Variants in PPP2R2B observed in about 807,000 individuals in gnomAD.
PPP2R2B encodes protein phosphatase 2 regulatory subunit Bbeta.
Under a neutral mutation model 46.0 loss-of-function variants are expected in PPP2R2B, and 5 were observed. The ratio of observed to expected loss-of-function variants is 0.11; its 90% CI spans 0.06 to 0.23. The LOEUF is 0.23. PPP2R2B is among the 10% of genes least tolerant of loss of function. PPP2R2B has a pLI of 1.00. For missense variants in PPP2R2B, 367 were observed against 575.0 expected, an observed-to-expected ratio of 0.64 and a Z score of 3.70; for synonymous variants, 215 against 206.7, an observed-to-expected ratio of 1.04 and a Z score of -0.34.
At chr5:146,596,726 T>C (rs1771208711) in intron 8 of PPP2R2B, among the ~76,000 whole-genome samples, 1 of 152,108 alleles carries the variant, frequency 6.6e-6, no homozygotes, top group Admixed American at 6.5e-5. Context: ...AAATGAAAGC[T>C]TGGGGGCAAG....
At chr5:147,032,339 G>A (rs534236515) in intron 1 of PPP2R2B, among the ~76,000 whole-genome samples, 47 of 152,186 alleles carry the variant, frequency 3.1e-4, no homozygotes, top group Admixed American at 6.5e-4. Context: ...AATCAAGACC[G>A]CAATGTGATA....
At chr5:146,903,536 T>C (rs922745271) in intron 1 of PPP2R2B, among the ~76,000 whole-genome samples, 1 of 151,846 alleles carries the variant, frequency 6.6e-6, no homozygotes, top group Non-Finnish European at 1.5e-5. Flanking sequence ...GCCGGGACTA[T>C]AGGTGCATGC....
At chr5:146,719,065 C>T (rs116257118) in intron 2 of PPP2R2B, among the ~76,000 whole-genome samples, 1,865 of 152,322 alleles carry the variant, frequency 0.012, 38 homozygotes, top group African/African-American at 0.042. Context: ...TACTGAGCAC[C>T]TTCTATGTGC....
chr5:146,880,227 TG>T (rs1762122849), upstream of PPP2R2B, among the ~76,000 whole-genome samples: 2 of 132,560 alleles, frequency 1.5e-5, no homozygotes, highest in South Asian at 4.8e-4. Context: ...GTGTGTGTGG[TG>T]GGGGGAGTTC....
intron 2 of PPP2R2B, among the ~76,000 whole-genome samples, chr5:146,857,379 T>C (rs1760735894): frequency 6.6e-6 from 1 of 152,200 alleles, no homozygotes; most frequent in Admixed American, 6.5e-5. Flanking sequence ...ATACCACTAA[T>C]ATAGAACAAA....
intron 1 of PPP2R2B, chr5:147,035,182 T>G (rs1755975093): frequency 4.4e-6 from 2 of 450,110 alleles, no homozygotes; most frequent in Non-Finnish European, 8.9e-6. Flanking sequence ...TCTGCATGGC[T>G]GGGGAGGTCT....
chr5:146,734,680 A>T (rs1206785824), intron 2 of PPP2R2B, among the ~76,000 whole-genome samples: 1 of 152,126 alleles, frequency 6.6e-6, no homozygotes, highest in Non-Finnish European at 1.5e-5. Flanking sequence ...ACTGAGATGC[A>T]GCATCTTTCA....
At chr5:146,889,551 G>T (rs114066953) in intron 1 of PPP2R2B, among the ~76,000 whole-genome samples, 276 of 152,238 alleles carry the variant, frequency 1.8e-3, no homozygotes, top group Admixed American at 6.5e-3. Flanking sequence ...ATGGCAGGGG[G>T]GTAATGCATG....
intron 2 of PPP2R2B, among the ~76,000 whole-genome samples, chr5:146,740,581 A>G (rs1450661559): frequency 2.4e-5 from 1 of 42,310 alleles, no homozygotes; most frequent in Admixed American, 2.2e-4. Flanking sequence ...GATCACACAC[A>G]CACACACACA....
At chr5:146,983,363 G>A (rs938793778) in intron 1 of PPP2R2B, among the ~76,000 whole-genome samples, 4 of 151,736 alleles carry the variant, frequency 2.6e-5, no homozygotes, top group African/African-American at 4.8e-5. Context: ...TGTATTTTTA[G>A]TAGAGACGGG....
intron 2 of PPP2R2B, among the ~76,000 whole-genome samples, chr5:146,754,601 T>C (rs1485731682): frequency 6.6e-6 from 1 of 152,204 alleles, no homozygotes; most frequent in Non-Finnish European, 1.5e-5. Context: ...GTGGACAGAA[T>C]ATGGCATAAA....
chr5:147,004,478 G>A (rs530153315), intron 1 of PPP2R2B, among the ~76,000 whole-genome samples: 2 of 152,162 alleles, frequency 1.3e-5, no homozygotes, highest in African/African-American at 4.8e-5. Flanking sequence ...TGTCCTGGAT[G>A]ACTGTCCTCA....
chr5:146,721,479 G>T (rs1780793443), intron 2 of PPP2R2B, among the ~76,000 whole-genome samples: 1 of 152,190 alleles, frequency 6.6e-6, no homozygotes, highest in African/African-American at 2.4e-5. Context: ...CTAGAAATAG[G>T]TAGGATTCTC....
intron 2 of PPP2R2B, among the ~76,000 whole-genome samples, chr5:146,841,793 G>A (rs1006738898): frequency 2.0e-5 from 3 of 152,154 alleles, no homozygotes; most frequent in African/African-American, 4.8e-5. Flanking sequence ...GGGTTGGGGA[G>A]CTAGGGGAGG....
At chr5:146,655,779 G>A (rs1432645126) in intron 5 of PPP2R2B, among the ~76,000 whole-genome samples, 1 of 152,084 alleles carries the variant, frequency 6.6e-6, no homozygotes, top group Non-Finnish European at 1.5e-5. Flanking sequence ...AGGTCATCAG[G>A]CACTGCCCAG....
At chr5:147,035,220 C>A (rs773052598) in intron 1 of PPP2R2B, 3 of 430,698 alleles carry the variant, frequency 7.0e-6, no homozygotes, top group South Asian at 1.7e-5. Flanking sequence ...TGGCAGAAGG[C>A]GAAGGGGAAG....
intron 2 of PPP2R2B, among the ~76,000 whole-genome samples, chr5:146,787,869 ATTCT>A (rs1426138437): frequency 1.3e-5 from 2 of 152,002 alleles, no homozygotes; most frequent in African/African-American, 2.4e-5. Flanking sequence ...TGTCCAGCCT[ATTCT>A]TTCTTTCTTT....
At chr5:147,001,198 C>T (rs1740053320) in intron 1 of PPP2R2B, among the ~76,000 whole-genome samples, 1 of 152,154 alleles carries the variant, frequency 6.6e-6, no homozygotes, top group Non-Finnish European at 1.5e-5. Context: ...GCTGGCCACC[C>T]AAGCCAGCAG....
At chr5:146,615,849 T>TATCA (rs1243168299) in intron 7 of PPP2R2B, among the ~76,000 whole-genome samples, 2 of 152,164 alleles carry the variant, frequency 1.3e-5, no homozygotes, top group Admixed American at 1.3e-4. Flanking sequence ...ATGGAATCCC[T>TATCA]ATCAAAATAC....
Sources: gnomAD v4.1 joint callset for allele counts (sites outside exome capture counted in the v4.1 genomes callset) on GRCh38, gnomAD v4.1.1 for gene constraint, MANE v1.5 for transcripts, NCBI Gene and HGNC (gene_info 2026-07-23, HGNC 2026-07-21) for gene names.